Variants in BABAM2 observed in about 807,000 individuals in gnomAD.
BABAM2 encodes the protein BRISC and BRCA1-A complex member 2.
A neutral mutation model predicts 54.7 loss-of-function variants in BABAM2; 31 were observed. The observed-to-expected ratio is 0.57, with a 90% CI of 0.43 to 0.77. BABAM2 has a LOEUF of 0.77. BABAM2 is among the 30% of genes least tolerant of loss of function. BABAM2 has a pLI of 0.00. For synonymous variants in BABAM2, 167 were observed against 162.9 expected, an observed-to-expected ratio of 1.03 and a Z score of -0.19; for missense variants, 364 against 455.8, an observed-to-expected ratio of 0.80 and a Z score of 1.83.
intron 7 of BABAM2, among the ~76,000 whole-genome samples, chr2:28,152,342 CT>C (rs1308235397): frequency 6.6e-6 from 1 of 152,198 alleles, no homozygotes; most frequent in Non-Finnish European, 1.5e-5. Context: ...AGCTTCTCAG[CT>C]CTTGCTGGTG....
intron 6 of BABAM2, among the ~76,000 whole-genome samples, chr2:28,084,158 C>T (rs1665434210): frequency 6.6e-6 from 1 of 152,098 alleles, no homozygotes; most frequent in Non-Finnish European, 1.5e-5. Context: ...GGCAACCATA[C>T]AGGATTTTTA....
chr2:28,154,893 A>C (rs1200562246), intron 7 of BABAM2, among the ~76,000 whole-genome samples: 1 of 152,210 alleles, frequency 6.6e-6, no homozygotes, highest in East Asian at 1.9e-4. Context: ...TTAAGTAAAC[A>C]AGTATATGAA....
chr2:28,320,028 G>T (rs1689895653), intron 11 of BABAM2, among the ~76,000 whole-genome samples: 1 of 152,202 alleles, frequency 6.6e-6, no homozygotes, highest in Non-Finnish European at 1.5e-5. Flanking sequence ...GATGAACTCT[G>T]TGGGTGCTGC....
intron 6 of BABAM2, among the ~76,000 whole-genome samples, chr2:28,123,192 C>G (rs371733133): frequency 6.6e-6 from 1 of 152,054 alleles, no homozygotes; most frequent in Admixed American, 6.5e-5. Context: ...AAAATGAACA[C>G]GAAAATCTCC....
intron 10 of BABAM2, among the ~76,000 whole-genome samples, chr2:28,259,552 T>C (rs1684311100): frequency 6.6e-6 from 1 of 152,234 alleles, no homozygotes; most frequent in African/African-American, 2.4e-5. Context: ...TGAGAATATT[T>C]AATTGTGTCT....
intron 10 of BABAM2, among the ~76,000 whole-genome samples, chr2:28,273,107 C>T (rs1162372054): frequency 6.6e-6 from 1 of 152,172 alleles, no homozygotes; most frequent in Non-Finnish European, 1.5e-5. Context: ...AGTTCTTACC[C>T]AATTCCACGG....
chr2:28,315,421 T>TTTGTCTTTTC (rs1553365600), intron 11 of BABAM2, among the ~76,000 whole-genome samples: 3 of 110,196 alleles, frequency 2.7e-5, no homozygotes, highest in East Asian at 5.1e-4. Flanking sequence ...GTGTGGTTCT[T>TTTGTCTTTTC]TTTTCTTTTC....
At chr2:28,188,024 G>T (rs1233034243) in intron 7 of BABAM2, among the ~76,000 whole-genome samples, 1 of 152,070 alleles carries the variant, frequency 6.6e-6, no homozygotes, top group African/African-American at 2.4e-5. Flanking sequence ...AAGGACTCAA[G>T]TATTTTTCCC....
At chr2:27,965,125 G>A (rs1179907658) in intron 3 of BABAM2, among the ~76,000 whole-genome samples, 1 of 152,108 alleles carries the variant, frequency 6.6e-6, no homozygotes, top group Non-Finnish European at 1.5e-5. Context: ...TGTTGTCCTG[G>A]TTAATTATTA....
At chr2:28,162,272 C>G (rs1457823408) in intron 7 of BABAM2, among the ~76,000 whole-genome samples, 1 of 152,056 alleles carries the variant, frequency 6.6e-6, no homozygotes, top group Non-Finnish European at 1.5e-5. Context: ...ACAAAGGGCA[C>G]CTGAAATGTA....
intron 3 of BABAM2, among the ~76,000 whole-genome samples, chr2:27,960,920 A>G (rs1670420144): frequency 6.6e-6 from 1 of 152,242 alleles, no homozygotes; most frequent in South Asian, 2.1e-4. Context: ...AAATAAGGAT[A>G]AGCAATGGCT....
rs1277076185 is a variant in BABAM2, at chr2:27,922,583, T to G, written c.129-7249T>G. Among the ~76,000 whole-genome samples, 4 of 152,346 alleles carry G rather than the reference T, an allele frequency of 2.6e-5. No homozygotes were observed. The East Asian group carries it at 7.7e-4, about 29-fold the overall frequency. On this transcript the variant is annotated intron_variant, in intron 2 of 11. Transcript: ENST00000379624. ...TAACTCCCTTTGTTCACTCACATGT[T>G]AAACTTTAAAATAGTGCATTCCTGG... is the stretch of plus-strand genomic sequence containing the variant.
chr2:28,137,666 C>T (rs1156638883), intron 7 of BABAM2, among the ~76,000 whole-genome samples: 4 of 151,356 alleles, frequency 2.6e-5, no homozygotes, highest in Admixed American at 1.3e-4. Context: ...GTAGAACTCC[C>T]ACCTCCCTAG....
chr2:28,178,334 CA>C (rs1675239974), intron 7 of BABAM2, among the ~76,000 whole-genome samples: 1 of 151,836 alleles, frequency 6.6e-6, no homozygotes, highest in Non-Finnish European at 1.5e-5. Context: ...AACTAGAAAT[CA>C]AAAAGAAGAA....
intron 7 of BABAM2, among the ~76,000 whole-genome samples, chr2:28,183,103 A>G (rs1675821271): frequency 6.6e-6 from 1 of 152,180 alleles, no homozygotes. Flanking sequence ...TATCATATTA[A>G]TGGTTCCCAT....
chr2:28,166,544 T>G (rs1014884833), intron 7 of BABAM2, among the ~76,000 whole-genome samples: 3 of 152,130 alleles, frequency 2.0e-5, no homozygotes, highest in Non-Finnish European at 4.4e-5. Context: ...CTTTCTTACC[T>G]TCTGGCCTTT....
intron 3 of BABAM2, among the ~76,000 whole-genome samples, chr2:27,944,360 A>C (rs1669141234): frequency 6.6e-6 from 1 of 152,184 alleles, no homozygotes; most frequent in Non-Finnish European, 1.5e-5. Context: ...AAGGTATAGA[A>C]CATTTCCTTA....
intron 10 of BABAM2, among the ~76,000 whole-genome samples, chr2:28,285,581 C>T (rs1410743318): frequency 1.3e-5 from 2 of 152,116 alleles, no homozygotes; most frequent in East Asian, 3.9e-4. Context: ...AACATGTAAT[C>T]CTTCTGCCAG....
chr2:28,221,586 A>G (rs920680608), intron 7 of BABAM2, among the ~76,000 whole-genome samples: 1 of 152,170 alleles, frequency 6.6e-6, no homozygotes, highest in Non-Finnish European at 1.5e-5. Flanking sequence ...GTATTTTTTA[A>G]GTGGCCCTCA....
Sources: allele counts gnomAD v4.1 joint callset (sites outside exome capture counted in the v4.1 genomes callset), GRCh38; gene constraint gnomAD v4.1.1; transcripts MANE v1.5; gene names NCBI Gene and HGNC (gene_info 2026-07-23, HGNC 2026-07-21).